Variants in KIF11 observed in about 807,000 individuals in gnomAD.
KIF11 encodes the protein kinesin family member 11.
A neutral mutation model predicts 121.0 loss-of-function variants in KIF11; 9 were observed. The observed-to-expected ratio is 0.07, with a 90% CI of 0.04 to 0.13. The LOEUF (loss-of-function observed/expected upper bound fraction) is 0.13. KIF11 is among the 10% of genes least tolerant of loss of function. KIF11 has a pLI of 1.00. For synonymous variants in KIF11, 408 were observed against 421.0 expected, an observed-to-expected ratio of 0.97 and a Z score of 0.38; for missense variants, 846 against 1,217.5, an observed-to-expected ratio of 0.69 and a Z score of 4.54.
At chr10:92,612,832 C>G (rs190123074) in intron 6 of KIF11, among the ~76,000 whole-genome samples, 1 of 152,300 alleles carries the variant, frequency 6.6e-6, no homozygotes, top group East Asian at 1.9e-4. Flanking sequence ...ATTGATGCCT[C>G]TTTTGCAGGC....
intron 2 of KIF11, 85 bp downstream of exon 2, chr10:92,606,482 T>C (rs1844432175): frequency 1.6e-6 from 2 of 1,288,664 alleles, no homozygotes; most frequent in Non-Finnish European, 2.1e-6. Context: ...GGTGTATACT[T>C]AGAAATTTCA....
At chr10:92,628,446 A>T (rs1192428878) in intron 10 of KIF11, among the ~76,000 whole-genome samples, 1 of 152,088 alleles carries the variant, frequency 6.6e-6, no homozygotes, top group African/African-American at 2.4e-5. Context: ...CTGATTATAG[A>T]CACTTAGGTT....
At chr10:92,638,763 T>C (rs898111489) in intron 16 of KIF11, among the ~76,000 whole-genome samples, 28 of 152,334 alleles carry the variant, frequency 1.8e-4, no homozygotes, top group African/African-American at 5.1e-4. Flanking sequence ...AGCATTCAAA[T>C]TATTAATCTG....
In KIF11 at chr10:92,613,247, G is replaced by A. The variant is rs2135904969; in HGVS notation, c.789+117G>A. On this transcript the variant is annotated intron_variant, in intron 7 of 21. Coordinates refer to ENST00000260731, the MANE Select transcript of KIF11 (RefSeq NM_004523.4). This position sits in a 1 kb window ranked among gnomAD's most constrained non-coding sequence, Gnocchi z 4.2. ...CTGGGTGATTAGCTTTGTAGTGGGA[G>A]AAGAAATTTGTTAATTACAGAAAAA... is the stretch of plus-strand genomic sequence containing the variant. 1 of 1,072,094 alleles carries A rather than the reference G, an allele frequency of 9.3e-7. No homozygotes were observed. The allele number at this position is 1,072,094 out of a possible 1,614,324, so 66.4% of individuals were successfully genotyped here. A position where few individuals can be genotyped will look rare whatever the true frequency, so the allele number is the denominator to read the frequency against.
Position 92,653,591 on chromosome 10 carries a change from T to G in KIF11, c.3040-74T>G. ...TTTTTGCCTATAACCCAGAGAACTT[T>G]GAAAATAGAGTGTAGTTAATGTGTA... On this transcript the variant is annotated intron_variant, in intron 21 of 21. Transcript: ENST00000260731. The G allele has an allele frequency of 2.2e-6, 3 of 1,395,030 alleles. 1 individual carries two copies. The South Asian group carries it at 4.3e-5, about 20-fold the overall frequency. 86.4% of individuals were successfully genotyped at this position (1,395,030 alleles called of 1,614,324 possible). A position where few individuals can be genotyped will look rare whatever the true frequency, so the allele number is the denominator to read the frequency against.
rs1845034523 is a variant in KIF11, at chr10:92,655,292, G to A, written c.*1496G>A. 1 of 152,082 alleles carries A rather than the reference G, an allele frequency of 6.6e-6. No individual in the cohort carries two copies. The highest frequency in any genetic ancestry group is 6.6e-5 in the Admixed American group (1 of 15,266). The allele number at this position is 152,082 out of a possible 1,614,324, so 9.4% of individuals were successfully genotyped here. ...GTAGAATTATCTTAATAAAATAATG[G>A]CTATAATTTCTCTGCAAAATCAGAT... On this transcript the variant is annotated 3_prime_UTR_variant, in exon 22 of 22. Transcript: ENST00000260731.
intron 9 of KIF11, among the ~76,000 whole-genome samples, chr10:92,618,419 CG>C (rs1844582511): frequency 6.6e-6 from 1 of 151,422 alleles, no homozygotes. Flanking sequence ...CCGAGGTAGG[CG>C]GATTGCTTTA....
At chr10:92,652,486 A>C (rs1398743354) in intron 21 of KIF11, among the ~76,000 whole-genome samples, 1 of 152,102 alleles carries the variant, frequency 6.6e-6, no homozygotes, top group Non-Finnish European at 1.5e-5. Flanking sequence ...TTAAGGTCTA[A>C]AGATTCTCCA....
In KIF11 at chr10:92,648,292, G is replaced by C. The variant is rs1844942987; in HGVS notation, c.2628G>C (p.Gln876His). ...SDGRKAAHEK[Q>H]HNIFLDQMTI... Reference sequence around the variant, plus strand: ...GACGTAAGGCAGCTCATGAGAAACAGCATAACATTTTTCTTGATCAGATGA... The same window carrying C: ...GACGTAAGGCAGCTCATGAGAAACACCATAACATTTTTCTTGATCAGATGA... The change falls in exon 19 of 22, where the codon CAG (glutamine) becomes CAC (histidine). Residue 876 changes from glutamine to histidine, a missense_variant. Physicochemically the swap from Gln to His is conservative, Grantham distance 24 (BLOSUM62 0). Around this residue, in one of 5 missense-constraint regions of KIF11, gnomAD observed 492 missense variants for 603.4 expected, o/e 0.82. Transcript: ENST00000260731. 6.2e-7 allele frequency: 1 copy of C among 1,613,112 alleles called. No individual in the cohort carries two copies.
Position 92,654,140 on chromosome 10 carries a change from A to T in KIF11, c.*344A>T. On this transcript the variant is annotated 3_prime_UTR_variant, in exon 22 of 22. Transcript: ENST00000260731. Reference sequence around the variant, plus strand: ...CAGTGAGCCAAAGGTACACCACTACACTCCAGCCTGGGCAACAGAGCAAGA... The same window carrying T: ...CAGTGAGCCAAAGGTACACCACTACTCTCCAGCCTGGGCAACAGAGCAAGA... 1 of 174,264 alleles carries T rather than the reference A, an allele frequency of 5.7e-6. No individual in the cohort carries two copies. Among genetic ancestry groups the T allele is most frequent in the East Asian group, 1.5e-4 (1 of 6,688 alleles). 10.8% of individuals were successfully genotyped at this position (174,264 alleles called of 1,614,324 possible).
intron 9 of KIF11, among the ~76,000 whole-genome samples, chr10:92,620,226 G>A (rs1378627146): frequency 1.3e-5 from 2 of 151,752 alleles, no homozygotes; most frequent in Non-Finnish European, 2.9e-5. Context: ...GACTACAGGC[G>A]CCTGTCACCA....
Position 92,608,831 on chromosome 10 carries a change from T to C in KIF11, c.388-189T>C, listed in dbSNP as rs10882088. 0.11 allele frequency among the ~76,000 whole-genome samples: 16,189 copies of C among 152,244 alleles called. 1,019 individuals are homozygous for C. Among genetic ancestry groups the C allele is most frequent in the South Asian group, 0.16 (795 of 4,826 alleles). ...AAGTGTGACAGGTTTATGGAGGGTG[T>C]GAAGACTACTGTAGAACAGACTGTT... is the stretch of plus-strand genomic sequence containing the variant. On this transcript the variant is annotated intron_variant, in intron 4 of 21. Coordinates refer to ENST00000260731, the MANE Select transcript of KIF11 (RefSeq NM_004523.4).
At chr10:92,647,501 A>G (rs1194043500) in intron 18 of KIF11, among the ~76,000 whole-genome samples, 2 of 152,218 alleles carry the variant, frequency 1.3e-5, no homozygotes, top group Non-Finnish European at 2.9e-5. Context: ...GGTTCAAACA[A>G]AGCAATTGTG....
At chr10:92,612,142 A>AC (rs1554859859) in intron 6 of KIF11, among the ~76,000 whole-genome samples, 2 of 146,136 alleles carry the variant, frequency 1.4e-5, no homozygotes, top group African/African-American at 5.0e-5. Flanking sequence ...TTTTTTTGTG[A>AC]TTTTTTTTTT....
chr10:92,611,621 G>A (rs1446404293), intron 6 of KIF11, among the ~76,000 whole-genome samples: 1 of 152,100 alleles, frequency 6.6e-6, no homozygotes, highest in Non-Finnish European at 1.5e-5. Context: ...ATACTTGGCT[G>A]GGCGCGATGG....
At chr10:92,650,018 A>G (rs1844963986) in intron 20 of KIF11, 32 bp downstream of exon 20, 1 of 1,523,664 alleles carries the variant, frequency 6.6e-7, no homozygotes, top group South Asian at 1.2e-5. Flanking sequence ...TTATAATAGA[A>G]CTCTTTTATG....
At chr10:92,594,212 A>C (rs1844266793) in intron 1 of KIF11, among the ~76,000 whole-genome samples, 1 of 152,228 alleles carries the variant, frequency 6.6e-6, no homozygotes, top group South Asian at 2.1e-4. Context: ...GTGGCTGTTA[A>C]CAGTTGCTGT....
At chr10:92,612,360 A>T (rs1453437416) in intron 6 of KIF11, among the ~76,000 whole-genome samples, 2 of 151,552 alleles carry the variant, frequency 1.3e-5, no homozygotes, top group African/African-American at 4.8e-5. Context: ...CTGGTTTCGA[A>T]CTCCTGAGTT....
At chr10:92,653,528 C>A in intron 21 of KIF11, 137 bp from the exon 22 acceptor site, 1 of 693,118 alleles carries the variant, frequency 1.4e-6, no homozygotes, top group Non-Finnish European at 2.4e-6. Flanking sequence ...TTGGCTCAAA[C>A]TTGTGCTGAA....
Sources: allele counts gnomAD v4.1 joint callset (sites outside exome capture counted in the v4.1 genomes callset), GRCh38; gene constraint gnomAD v4.1.1; regional missense constraint gnomAD v4.1.1; non-coding constraint Gnocchi (gnomAD v3.1); transcripts MANE v1.5; gene names NCBI Gene and HGNC (gene_info 2026-07-23, HGNC 2026-07-21).